Variants in ZBTB16 observed in about 807,000 individuals in gnomAD.
ZBTB16 encodes the protein zinc finger and BTB domain-containing protein 16.
ZBTB16 carries 8 observed loss-of-function variants against 56.8 expected under a neutral mutation model. That is an observed-to-expected ratio of 0.14 (90% CI 0.08 to 0.25). ZBTB16 has a LOEUF of 0.25. ZBTB16 is among the 10% of genes least tolerant of loss of function. The probability of loss-of-function intolerance (pLI) is 1.00; values close to 1 mark genes in which losing one functional copy is unlikely to be tolerated. For synonymous variants in ZBTB16, 363 were observed against 368.5 expected, an observed-to-expected ratio of 0.98 and a Z score of 0.17; for missense variants, 625 against 903.0, an observed-to-expected ratio of 0.69 and a Z score of 3.95.
At chr11:114,210,192 T>TGCGC (rs1555155978) in intron 4 of ZBTB16, among the ~76,000 whole-genome samples, 1,632 of 143,316 alleles carry the variant, frequency 0.011, 31 homozygotes, top group African/African-American at 0.033. Flanking sequence ...TGTGTGTGTG[T>TGCGC]GCGTGCGCGC....
At chr11:114,205,212 A>G (rs1943833549) in intron 4 of ZBTB16, among the ~76,000 whole-genome samples, 1 of 150,736 alleles carries the variant, frequency 6.6e-6, no homozygotes, top group Non-Finnish European at 1.5e-5. Flanking sequence ...GATCGAGACC[A>G]TCCTGGCTAA....
At chr11:114,097,586 TA>T (rs948695459) in intron 2 of ZBTB16, among the ~76,000 whole-genome samples, 2 of 152,028 alleles carry the variant, frequency 1.3e-5, no homozygotes, top group African/African-American at 4.8e-5. Context: ...AAATTTTTTT[TA>T]AAAAAAACAC....
At position 114,250,781 on chromosome 11, in the gene ZBTB16, G is replaced by T. The variant is rs1944904985; in HGVS notation, c.*226G>T. The T allele has an allele frequency of 1.7e-6, 1 of 588,256 alleles. No individual in the cohort carries two copies. The highest frequency in any genetic ancestry group is 2.9e-5 in the East Asian group (1 of 34,774). 36.4% of individuals were successfully genotyped at this position (588,256 alleles called of 1,614,324 possible). ...CTCCACCCTCCTCTCCCGGCTGGAG[G>T]TTTGCCTGATTTTCTGGGATGGGGT... is the stretch of plus-strand genomic sequence containing the variant. On this transcript the variant is annotated 3_prime_UTR_variant, in exon 7 of 7. Transcript: ENST00000335953. The surrounding 1 kb of genome is among the most constrained non-coding windows in gnomAD (Gnocchi z 6.0).
chr11:114,073,994 C>T (rs1306057352), intron 2 of ZBTB16, among the ~76,000 whole-genome samples: 2 of 152,204 alleles, frequency 1.3e-5, no homozygotes, highest in African/African-American at 2.4e-5. Context: ...GGTTTGAATA[C>T]TAGTGCTCCA....
At chr11:114,209,511 C>T (rs894087217) in intron 4 of ZBTB16, 1 of 985,360 alleles carries the variant, frequency 1.0e-6, no homozygotes, top group Non-Finnish European at 1.2e-6. Context: ...TCCAGAAAGC[C>T]ATTGTGCTCC....
At chr11:114,074,086 A>G (rs1035024181) in intron 2 of ZBTB16, among the ~76,000 whole-genome samples, 1 of 152,218 alleles carries the variant, frequency 6.6e-6, no homozygotes, top group Non-Finnish European at 1.5e-5. Context: ...CTACCTCTCA[A>G]TGTGGTTTTT....
chr11:114,088,191 G>C (rs1407183909), intron 2 of ZBTB16, among the ~76,000 whole-genome samples: 1 of 144,302 alleles, frequency 6.9e-6, no homozygotes, highest in Non-Finnish European at 1.5e-5. Context: ...GCCCAGGCTG[G>C]AGTGTAGTGG....
intron 4 of ZBTB16, among the ~76,000 whole-genome samples, chr11:114,212,154 G>C (rs199716095): frequency 2.8e-4 from 43 of 152,130 alleles, no homozygotes; most frequent in Non-Finnish European, 5.9e-4. Context: ...GGATGGGGAG[G>C]GGGGAGTGTC....
chr11:114,236,697 A>G (rs958106508), intron 4 of ZBTB16, among the ~76,000 whole-genome samples: 2 of 151,616 alleles, frequency 1.3e-5, no homozygotes, highest in Non-Finnish European at 2.9e-5. Context: ...CTCCTCCTCT[A>G]CCCTTTGTGA....
intron 2 of ZBTB16, among the ~76,000 whole-genome samples, chr11:114,140,005 C>T (rs1475879207): frequency 2.0e-5 from 3 of 152,300 alleles, no homozygotes; most frequent in Middle Eastern, 3.4e-3. Context: ...CGGTCAAGAA[C>T]GAACAATGCT....
At chr11:114,127,369 G>C (rs1227498502) in intron 2 of ZBTB16, among the ~76,000 whole-genome samples, 1 of 152,156 alleles carries the variant, frequency 6.6e-6, no homozygotes, top group Non-Finnish European at 1.5e-5. Context: ...GGATGGGCCA[G>C]AATCAGAATT....
intron 2 of ZBTB16, among the ~76,000 whole-genome samples, chr11:114,087,799 T>C (rs1164367632): frequency 6.6e-6 from 1 of 152,206 alleles, no homozygotes; most frequent in Non-Finnish European, 1.5e-5. Context: ...TCCAGCTACA[T>C]TTTCACTCTT....
intron 4 of ZBTB16, among the ~76,000 whole-genome samples, chr11:114,232,468 G>A (rs959228732): frequency 6.6e-6 from 1 of 152,116 alleles, no homozygotes; most frequent in East Asian, 1.9e-4. Flanking sequence ...CCCTCAAGTC[G>A]GCACCCTGCC....
chr11:114,197,845 C>T (rs1016118989), intron 4 of ZBTB16, among the ~76,000 whole-genome samples: 9 of 152,112 alleles, frequency 5.9e-5, no homozygotes, highest in African/African-American at 2.2e-4. Flanking sequence ...GCCTTGCCCC[C>T]TCCTGCCCTG....
chr11:114,249,771 CAAA>C (rs55732116), intron 6 of ZBTB16, among the ~76,000 whole-genome samples: 5 of 59,318 alleles, frequency 8.4e-5, no homozygotes, highest in South Asian at 7.7e-4. Flanking sequence ...GACTCCGTCT[CAAA>C]AAAAAAAAAA....
intron 2 of ZBTB16, among the ~76,000 whole-genome samples, chr11:114,142,939 T>G (rs1941995221): frequency 6.6e-6 from 1 of 152,188 alleles, no homozygotes; most frequent in South Asian, 2.1e-4. Flanking sequence ...AAGGACATTT[T>G]TATGTGTGGG....
chr11:114,231,322 C>G (rs1291942698), intron 4 of ZBTB16, among the ~76,000 whole-genome samples: 1 of 152,092 alleles, frequency 6.6e-6, no homozygotes, highest in Admixed American at 6.5e-5. Flanking sequence ...GACTTGCTCT[C>G]TATATGGGCT....
chr11:114,216,876 T>C (rs999969005), intron 4 of ZBTB16, among the ~76,000 whole-genome samples: 1 of 151,874 alleles, frequency 6.6e-6, no homozygotes, highest in Non-Finnish European at 1.5e-5. Flanking sequence ...GAATTCAGAG[T>C]TGAGAGGAAG....
At chr11:114,135,563 A>G (rs917708295) in intron 2 of ZBTB16, among the ~76,000 whole-genome samples, 15 of 152,132 alleles carry the variant, frequency 9.9e-5, no homozygotes, top group Non-Finnish European at 1.9e-4. Context: ...AGCAGCCTCT[A>G]GACACTGAAC....
Sources: gnomAD v4.1 joint callset for allele counts (sites outside exome capture counted in the v4.1 genomes callset) on GRCh38, gnomAD v4.1.1 for gene constraint, Gnocchi (gnomAD v3.1) non-coding constraint, MANE v1.5 for transcripts, NCBI Gene and HGNC (gene_info 2026-07-23, HGNC 2026-07-21) for gene names.